Variants in FBXL20 observed in about 807,000 individuals in gnomAD.
FBXL20 encodes the protein F-box/LRR-repeat protein 20.
Under a neutral mutation model 64.0 loss-of-function variants are expected in FBXL20, and 11 were observed. The observed-to-expected ratio is 0.17, with a 90% CI of 0.11 to 0.28. FBXL20 has a LOEUF of 0.28. FBXL20 is among the 10% of genes least tolerant of loss of function. The pLI is 1.00. For synonymous variants in FBXL20, 184 were observed against 189.0 expected, an observed-to-expected ratio of 0.97 and a Z score of 0.22; for missense variants, 303 against 526.2, an observed-to-expected ratio of 0.58 and a Z score of 4.15.
At chr17:39,340,472 C>T (rs1050184727) in intron 2 of FBXL20, among the ~76,000 whole-genome samples, 4 of 152,286 alleles carry the variant, frequency 2.6e-5, no homozygotes, top group South Asian at 2.1e-4. Context: ...TCAAGTGATC[C>T]GCCTGCCTTG....
intron 2 of FBXL20, among the ~76,000 whole-genome samples, chr17:39,329,720 G>T (rs1383893189): frequency 6.6e-6 from 1 of 152,134 alleles, no homozygotes; most frequent in African/African-American, 2.4e-5. Flanking sequence ...AAAAAAGGTC[G>T]GGTATGGTGG....
rs2046668235 is a variant in FBXL20, at chr17:39,253,479, T to TA, written c.*7980dup. On this transcript the variant is annotated 3_prime_UTR_variant, in exon 15 of 15. Transcript: ENST00000264658. ...AAAATTAAGAAGGCCGCTCTCCTCT[T>TA]ACAGTCAACCTTTGGAGTGGGTAGT... The TA allele has an allele frequency of 6.6e-6, 1 of 152,386 alleles. No individual in the cohort carries two copies. Among genetic ancestry groups the TA allele is most frequent in the Non-Finnish European group, 1.5e-5 (1 of 68,066 alleles). 9.4% of individuals were successfully genotyped at this position (152,386 alleles called of 1,614,324 possible). A position where few individuals can be genotyped will look rare whatever the true frequency, so the allele number is the denominator to read the frequency against.
At chr17:39,399,460 G>A (rs1051911126) in intron 1 of FBXL20, among the ~76,000 whole-genome samples, 4 of 152,114 alleles carry the variant, frequency 2.6e-5, no homozygotes, top group Non-Finnish European at 5.9e-5. Context: ...GAGGTAAATG[G>A]TTTTAAGAAG....
chr17:39,375,447 T>C (rs1273173597), intron 1 of FBXL20, among the ~76,000 whole-genome samples: 3 of 152,152 alleles, frequency 2.0e-5, no homozygotes, highest in East Asian at 1.9e-4. Context: ...TACAGTTAGA[T>C]AGAAGATACA....
At chr17:39,296,475 G>C (rs1159813785) in intron 6 of FBXL20, among the ~76,000 whole-genome samples, 1 of 147,362 alleles carries the variant, frequency 6.8e-6, no homozygotes, top group East Asian at 2.0e-4. Flanking sequence ...CAGGAGAATT[G>C]CTTCAAGCCA....
chr17:39,270,746 C>G (rs749291743), intron 11 of FBXL20, 50 bp downstream of exon 11: 2 of 1,467,708 alleles, frequency 1.4e-6, no homozygotes, highest in Admixed American at 4.3e-5. Flanking sequence ...ATAAAAAGCC[C>G]TAATAAAACC....
At chr17:39,399,591 T>C (rs970553091) in intron 1 of FBXL20, among the ~76,000 whole-genome samples, 1 of 152,202 alleles carries the variant, frequency 6.6e-6, no homozygotes, top group African/African-American at 2.4e-5. Flanking sequence ...ACTTATTTAA[T>C]CATGAAACCG....
chr17:39,401,814 G>T, upstream of FBXL20: 1 of 715,238 alleles, frequency 1.4e-6, no homozygotes, highest in Non-Finnish European at 1.8e-6. Context: ...GCTCCCGGGA[G>T]CAGCCGGTGC....
At position 39,363,104 on chromosome 17, in the gene FBXL20, T is replaced by A. The variant is rs187865807; in HGVS notation, c.43-19863A>T. On this transcript the variant is annotated intron_variant, in intron 1 of 14. Transcript: ENST00000264658. ...ACAACCTCCGCCTCCTGGGTTCAAG[T>A]GATTCTCCTGCCTCACCCTCCCGAG... 5.2e-3 allele frequency among the ~76,000 whole-genome samples: 790 copies of A among 151,474 alleles called. 1 individual carries two copies. The highest frequency in any genetic ancestry group is 7.8e-3 in the Non-Finnish European group (528 of 67,832).
chr17:39,265,520 T>C, intron 12 of FBXL20, 67 bp from the exon 13 acceptor site: 1 of 1,194,156 alleles, frequency 8.4e-7, no homozygotes. Context: ...TACCTGATTC[T>C]TTTTTCTTTT....
At position 39,256,983 on chromosome 17, in the gene FBXL20, CT is replaced by C. The variant is rs1477962539; in HGVS notation, c.*4476del. ...CAAACTAGTAACGATGCATTTTTTT[CT>C]TTCTTTCTTTCTTTTTTTTTGAGAT... On this transcript the variant is annotated 3_prime_UTR_variant, in exon 15 of 15. Coordinates refer to ENST00000264658, the MANE Select transcript of FBXL20 (RefSeq NM_032875.3). The C allele has an allele frequency of 7.1e-6, 1 of 140,152 alleles. No individual in the cohort carries two copies. The highest frequency in any genetic ancestry group is 1.6e-5 in the Non-Finnish European group (1 of 64,348). 8.7% of individuals were successfully genotyped at this position (140,152 alleles called of 1,614,324 possible).
In FBXL20 at chr17:39,297,167, C is replaced by T; in HGVS notation, c.358G>A (p.Glu120Lys). The change falls in exon 6 of 15, where the codon GAA becomes AAA. Residue 120 changes from glutamate (E) to lysine (K), a missense_variant. This residue lies in a region of FBXL20 where 246 missense variants were observed against 422.6 expected (regional missense o/e 0.58). Transcript: ENST00000264658. ...RTFAQNCRNI[E>K]VLNLNGCTKT... ...GTACACCCATTTAGATTCAGTACTT[C>T]AATGTTCCTGCAGTTTTGTGCAAAG... The T allele has an allele frequency of 6.2e-7, 1 of 1,610,694 alleles. No individual in the cohort carries two copies. Among genetic ancestry groups the T allele is most frequent in the Non-Finnish European group, 8.5e-7 (1 of 1,177,982 alleles).
intron 6 of FBXL20, among the ~76,000 whole-genome samples, chr17:39,295,793 A>G (rs2047079410): frequency 6.7e-6 from 1 of 149,006 alleles, no homozygotes; most frequent in Non-Finnish European, 1.5e-5. Context: ...AGATATATAT[A>G]TATATATATA....
At chr17:39,347,805 A>G (rs1023981764) in intron 1 of FBXL20, among the ~76,000 whole-genome samples, 2 of 152,062 alleles carry the variant, frequency 1.3e-5, no homozygotes, top group Non-Finnish European at 2.9e-5. Flanking sequence ...GTTTTCTTCT[A>G]GAGTTTTTTA....
chr17:39,354,371 T>TTAA (rs1429006907), intron 1 of FBXL20, among the ~76,000 whole-genome samples: 1 of 152,226 alleles, frequency 6.6e-6, no homozygotes, highest in Non-Finnish European at 1.5e-5. Context: ...AAGAGATTAA[T>TTAA]GTTCATCGCA....
At chr17:39,280,347 A>G (rs2046937919) in intron 9 of FBXL20, among the ~76,000 whole-genome samples, 1 of 146,948 alleles carries the variant, frequency 6.8e-6, no homozygotes, top group Non-Finnish European at 1.5e-5. Context: ...GGTTGCAGTG[A>G]GCCGAGATAG....
intron 1 of FBXL20, among the ~76,000 whole-genome samples, chr17:39,381,424 G>T (rs995129927): frequency 6.9e-6 from 1 of 145,162 alleles, no homozygotes; most frequent in Non-Finnish European, 1.5e-5. Flanking sequence ...AGGTTGCAGT[G>T]AGACAAGATC....
intron 2 of FBXL20, among the ~76,000 whole-genome samples, chr17:39,329,351 A>G (rs1372697695): frequency 6.6e-6 from 1 of 152,232 alleles, no homozygotes; most frequent in African/African-American, 2.4e-5. Flanking sequence ...TGTGAAAGAC[A>G]AAGACTGAAA....
chr17:39,282,327 G>A (rs1597773202), intron 8 of FBXL20, among the ~76,000 whole-genome samples: 1 of 152,130 alleles, frequency 6.6e-6, no homozygotes. Flanking sequence ...TGTACACTTG[G>A]CATATTTAAG....
Sources: allele counts gnomAD v4.1 joint callset (sites outside exome capture counted in the v4.1 genomes callset), GRCh38; gene constraint gnomAD v4.1.1; regional missense constraint gnomAD v4.1.1; transcripts MANE v1.5; gene names NCBI Gene and HGNC (gene_info 2026-07-23, HGNC 2026-07-21).